PIWIL3: variants seen among roughly 807,000 people sequenced by gnomAD.
PIWIL3 encodes the protein piwi like RNA-mediated gene silencing 3, also known as piwi-like protein 3.
Under a neutral mutation model 109.7 loss-of-function variants are expected in PIWIL3, and 101 were observed. The observed-to-expected ratio is 0.92, with a 90% CI of 0.78 to 1.09. The LOEUF (loss-of-function observed/expected upper bound fraction) is 1.09, where lower values mean the gene tolerates loss of function less well. Ranked by LOEUF, PIWIL3 falls within the 50% of genes least tolerant of loss-of-function variation. The probability of loss-of-function intolerance (pLI) is 0.00; values close to 1 mark genes in which losing one functional copy is unlikely to be tolerated. For synonymous variants in PIWIL3, 373 were observed against 376.4 expected (o/e 0.99, Z 0.10); for missense variants, 1,031 against 1,072.6 (o/e 0.96, Z 0.54).
chr22:24,745,231 G>A (rs1924282238), intron 12 of PIWIL3, among the ~76,000 whole-genome samples: 1 of 152,160 alleles, frequency 6.6e-6, no homozygotes, highest in Non-Finnish European at 1.5e-5. Flanking sequence ...TAATAAGAGG[G>A]AATTTTATAG....
chr22:24,749,405 C>G lies in PIWIL3; in HGVS notation c.1333G>C (p.Asp445His). 1 of 1,613,726 alleles carries G rather than the reference C, an allele frequency of 6.2e-7. No individual in the cohort carries two copies. Among genetic ancestry groups the G allele is most frequent in the Non-Finnish European group, 8.5e-7 (1 of 1,179,876 alleles). Residue 445 changes from aspartate to histidine, a missense_variant and splice_region_variant, in exon 11 of 21, where the codon GAT (aspartate) becomes CAT (histidine). Physicochemically the swap from Asp to His is moderately conservative, Grantham distance 81. Transcript: ENST00000616349. Reference sequence around the variant, plus strand: ...CTCAGCCAGAAAAGCAGCACTTACTCTTGTAGAGTATTGATGAATTCTTTT... The same window carrying G: ...CTCAGCCAGAAAAGCAGCACTTACTGTTGTAGAGTATTGATGAATTCTTTT... ...TLKEFINTLQ[D>H]NKKVRELLQL...
chr22:24,725,153 T>A (rs1047965819), intron 17 of PIWIL3, 116 bp from the exon 18 acceptor site: 7 of 1,251,560 alleles, frequency 5.6e-6, no homozygotes, highest in Non-Finnish European at 6.7e-6. Context: ...GCAATTTTAC[T>A]GCTTAAGTCC....
At chr22:24,738,312 G>A (rs1415460047) in intron 12 of PIWIL3, among the ~76,000 whole-genome samples, 2 of 152,282 alleles carry the variant, frequency 1.3e-5, no homozygotes, top group African/African-American at 4.8e-5. Context: ...ACCTGCCCAG[G>A]GCCTGGGGGA....
intron 5 of PIWIL3, 149 bp downstream of exon 5, chr22:24,756,342 A>G: frequency 1.4e-6 from 1 of 700,508 alleles, no homozygotes. Context: ...ATAACCGAAC[A>G]TGGCACATAG....
intron 1 of PIWIL3, among the ~76,000 whole-genome samples, chr22:24,764,947 G>T (rs1444426693): frequency 6.6e-6 from 1 of 152,098 alleles, no homozygotes; most frequent in Non-Finnish European, 1.5e-5. Flanking sequence ...CTCGTGCCTG[G>T]GGGAGAGAGG....
At chr22:24,733,430 C>T (rs1054261015) in intron 14 of PIWIL3, among the ~76,000 whole-genome samples, 7 of 152,266 alleles carry the variant, frequency 4.6e-5, no homozygotes, top group South Asian at 2.1e-4. Context: ...GTGGCTCATG[C>T]CTGTAGTCCC....
intron 14 of PIWIL3, among the ~76,000 whole-genome samples, chr22:24,733,818 A>T (rs1442725553): frequency 6.6e-6 from 1 of 152,256 alleles, no homozygotes; most frequent in Non-Finnish European, 1.5e-5. Flanking sequence ...TAATACCCAC[A>T]CTACTTTACA....
intron 8 of PIWIL3, among the ~76,000 whole-genome samples, chr22:24,753,687 T>C (rs914689746): frequency 2.6e-5 from 4 of 152,180 alleles, no homozygotes; most frequent in Non-Finnish European, 5.9e-5. Flanking sequence ...AAATTGCTGA[T>C]GGGTTATAAC....
intron 12 of PIWIL3, among the ~76,000 whole-genome samples, chr22:24,748,098 G>A (rs1015693085): frequency 2.1e-5 from 3 of 141,714 alleles, no homozygotes; most frequent in Non-Finnish European, 3.1e-5. Context: ...CTATTCAGCC[G>A]TAAAAAAAAC....
chr22:24,758,666 T>C (rs568105137), intron 3 of PIWIL3, among the ~76,000 whole-genome samples: 2 of 152,336 alleles, frequency 1.3e-5, no homozygotes, highest in Admixed American at 6.5e-5. Flanking sequence ...CAATAATGGT[T>C]TGCCTCAAAA....
Position 24,719,877 on chromosome 22 carries a change from C to G in PIWIL3, c.2376G>C (p.Val792=). The part of the protein sequence containing the change: ...TRNEWYDFFI[V]SQSVQDGTVT... ...CAGTCCCATCTTGCACAGACTGACT[C>G]ACAATAAAAAAGTCATACCTGGAAA... The change falls in exon 20 of 21, where the codon GTG becomes GTC. Residue 792 remains valine, a synonymous_variant. Transcript: ENST00000616349. The G allele has an allele frequency of 1.2e-6, 2 of 1,610,574 alleles. No individual in the cohort carries two copies. Among genetic ancestry groups the G allele is most frequent in the Non-Finnish European group, 1.7e-6 (2 of 1,177,934 alleles).
At chr22:24,748,010 A>G (rs779441698) in intron 12 of PIWIL3, among the ~76,000 whole-genome samples, 31 of 152,226 alleles carry the variant, frequency 2.0e-4, no homozygotes, top group Admixed American at 7.2e-4. Context: ...TGTTCACAAT[A>G]ACCCAGATTT....
intron 16 of PIWIL3, among the ~76,000 whole-genome samples, chr22:24,726,829 T>C (rs1021787183): frequency 3.3e-5 from 5 of 152,228 alleles, no homozygotes; most frequent in Non-Finnish European, 5.9e-5. Context: ...CCTTTAAAGA[T>C]ATTCCTGAAT....
At chr22:24,721,137 T>C (rs1435099397) in intron 19 of PIWIL3, among the ~76,000 whole-genome samples, 1 of 152,216 alleles carries the variant, frequency 6.6e-6, no homozygotes, top group Non-Finnish European at 1.5e-5. Flanking sequence ...GTATATACTG[T>C]ATAGGCACTA....
At chr22:24,744,177 T>TAA (rs751591202) in intron 12 of PIWIL3, among the ~76,000 whole-genome samples, 1 of 35,840 alleles carries the variant, frequency 2.8e-5, no homozygotes, top group Non-Finnish European at 5.0e-5. Context: ...AGTGACCGAA[T>TAA]TAAAAAAAAA....
Position 24,725,500 on chromosome 22 carries a change from A to T in PIWIL3, c.2025T>A (p.Cys675Ter). 1 of 1,614,120 alleles carries T rather than the reference A, an allele frequency of 6.2e-7. No individual in the cohort carries two copies. Among genetic ancestry groups the T allele is most frequent in the Non-Finnish European group, 8.5e-7 (1 of 1,180,044 alleles). ...NAELTKWYSQ[C>*]VIQKTGEELV... ...GCTCTTCTCCTGTTTTCTGGATGAC[A>T]CATTGAGAGTACCACCTGTTCACAG... The change falls in exon 17 of 21, where the codon TGT becomes TGA. Residue 675 changes from cysteine (C) to a stop codon, truncating the protein, a stop_gained. Coordinates refer to ENST00000616349, the MANE Select transcript of PIWIL3 (RefSeq NM_001255975.1). LOFTEE classifies it high-confidence loss of function.
At chr22:24,732,650 C>T (rs1322129569) in intron 14 of PIWIL3, among the ~76,000 whole-genome samples, 21 of 152,110 alleles carry the variant, frequency 1.4e-4, no homozygotes, top group African/African-American at 5.1e-4. Flanking sequence ...AGTGAAACCC[C>T]GTCTCTACTA....
rs61469163 is a variant in PIWIL3 at position 24,760,780 on chromosome 22, C to CAAAAAAAAAAAAAAAAAAA, written c.103-810_103-792dup. Among the ~76,000 whole-genome samples, 43 of 41,024 alleles carry CAAAAAAAAAAAAAAAAAAA rather than the reference C, an allele frequency of 1.0e-3. 6 individuals are homozygous for CAAAAAAAAAAAAAAAAAAA. Among genetic ancestry groups the CAAAAAAAAAAAAAAAAAAA allele is most frequent in the East Asian group, 8.5e-3 (8 of 938 alleles). 26.9% of individuals were successfully genotyped at this position (41,024 alleles called of 152,430 possible). A position where few individuals can be genotyped will look rare whatever the true frequency, so the allele number is the denominator to read the frequency against. Reference sequence around the variant, plus strand: ...GGGCAACAAGAGCGAAACTCTGTCTCAAAAAAAAAAAAAAAAAAAAAAAGC... The same window carrying CAAAAAAAAAAAAAAAAAAA: ...GGGCAACAAGAGCGAAACTCTGTCTCAAAAAAAAAAAAAAAAAAAAAAAAAAAAAAAAAAAAAAAAAAGC... On this transcript the variant is annotated intron_variant, in intron 2 of 20. Transcript: ENST00000616349.
At position 24,734,113 on chromosome 22, in the gene PIWIL3, G is replaced by A. The variant is rs371791945; in HGVS notation, c.1678C>T (p.Arg560Trp). Residue 560 changes from arginine to tryptophan, a missense_variant, in exon 14 of 21, where the codon CGG becomes TGG. Physicochemically the swap from Arg to Trp is moderately radical, Grantham distance 101. Coordinates refer to ENST00000616349, the MANE Select transcript of PIWIL3 (RefSeq NM_001255975.1). Reference sequence around the variant, plus strand: ...TGCAGTGTTGGTCTAGTATATTTCCGTAATGTGTCTATATAGGAGTTAGCA... The same window carrying A: ...TGCAGTGTTGGTCTAGTATATTTCCATAATGTGTCTATATAGGAGTTAGCA... ...GDANSYIDTL[R>W]KYTRPTLQMV... The A allele has an allele frequency of 2.5e-5, 40 of 1,612,370 alleles. No homozygotes were observed. The African/African-American group carries it at 3.1e-4, about 12-fold the overall frequency.
Sources: gnomAD v4.1 joint callset for allele counts (sites outside exome capture counted in the v4.1 genomes callset) on GRCh38, gnomAD v4.1.1 for gene constraint, MANE v1.5 for transcripts, NCBI Gene and HGNC (gene_info 2026-07-23, HGNC 2026-07-21) for gene names.